The following FRK variants were observed in gnomAD, a reference collection of about 807,000 sequenced individuals.
FRK encodes fyn related Src family tyrosine kinase.
In FRK, 51 loss-of-function variants were observed where a neutral mutation model predicts 56.4. The observed-to-expected ratio is 0.90, with a 90% CI of 0.72 to 1.14. FRK has a LOEUF of 1.14. Ranked by LOEUF, FRK falls within the 50% of genes most tolerant of loss-of-function variation. The probability of loss-of-function intolerance (pLI) is 0.00; values close to 1 mark genes in which losing one functional copy is unlikely to be tolerated. For missense variants in FRK, 570 were observed against 601.4 expected (o/e 0.95, Z 0.55); for synonymous variants, 245 against 217.9 (o/e 1.12, Z -1.10).
In FRK at chr6:115,942,533, A is replaced by G; in HGVS notation, c.1399T>C (p.Leu467=). 6.2e-7 allele frequency: 1 copy of G among 1,613,820 alleles called. No individual in the cohort carries two copies. Among genetic ancestry groups the G allele is most frequent in the Non-Finnish European group, 8.5e-7 (1 of 1,179,800 alleles). ...TTAGGCTCTGCATTCCAGCACTCCA[A>G]CATGATGTTGTAAAATTGCTGTGGA... ...NCPQQFYNIM[L]ECWNAEPKER... Residue 467 remains leucine, a synonymous_variant, in exon 8 of 8, where the codon TTG becomes CTG. Coordinates refer to ENST00000606080, the MANE Select transcript of FRK (RefSeq NM_002031.3).
chr6:115,987,387 T>G (rs1421620748), intron 2 of FRK, among the ~76,000 whole-genome samples: 1 of 152,086 alleles, frequency 6.6e-6, no homozygotes, highest in Non-Finnish European at 1.5e-5. Context: ...TGCAATACTC[T>G]TAATGGGAGA....
the FRK span, among the ~76,000 whole-genome samples, chr6:116,081,756 A>G: frequency 6.6e-6 from 1 of 152,114 alleles, no homozygotes; most frequent in East Asian, 1.9e-4. Context: ...AACTGATATT[A>G]TTAAGAGAAA....
intron 1 of FRK, chr6:116,038,901 A>G: frequency 1.7e-6 from 1 of 600,074 alleles, no homozygotes; most frequent in Non-Finnish European, 3.3e-6. Flanking sequence ...GCCTATACCG[A>G]CTTTGCCCCA....
intron 1 of FRK, among the ~76,000 whole-genome samples, chr6:116,035,516 T>G (rs1049914848): frequency 6.6e-6 from 1 of 152,108 alleles, no homozygotes; most frequent in Non-Finnish European, 1.5e-5. Context: ...GTAATAACAT[T>G]GAATGAAAAT....
At chr6:116,045,102 A>T (rs1163029253) in intron 1 of FRK, among the ~76,000 whole-genome samples, 1 of 152,140 alleles carries the variant, frequency 6.6e-6, no homozygotes, top group Non-Finnish European at 1.5e-5. Context: ...CAAATGGAAA[A>T]ACATTCCATG....
the FRK span, among the ~76,000 whole-genome samples, chr6:116,076,271 C>T: frequency 2.0e-5 from 3 of 152,172 alleles, no homozygotes; most frequent in African/African-American, 2.4e-5. Context: ...CATATATATG[C>T]AATGTATATC....
chr6:115,999,975 T>A (rs1774992122), intron 2 of FRK, among the ~76,000 whole-genome samples: 1 of 152,184 alleles, frequency 6.6e-6, no homozygotes, highest in Non-Finnish European at 1.5e-5. Context: ...AAAGAAATCA[T>A]AATGATATGC....
intron 1 of FRK, among the ~76,000 whole-genome samples, chr6:116,049,656 T>C (rs975976893): frequency 2.0e-5 from 3 of 152,202 alleles, no homozygotes; most frequent in Admixed American, 1.3e-4. Flanking sequence ...TTACTTAAAC[T>C]CTTTCAGCTT....
chr6:116,096,390 A>G, the FRK span, among the ~76,000 whole-genome samples: 4 of 152,200 alleles, frequency 2.6e-5, no homozygotes, highest in African/African-American at 4.8e-5. Context: ...TAAATGTACC[A>G]ATCAATACTC....
At chr6:115,976,030 G>A (rs1434915498) in intron 2 of FRK, among the ~76,000 whole-genome samples, 6 of 152,194 alleles carry the variant, frequency 3.9e-5, no homozygotes, top group African/African-American at 4.8e-5. Context: ...ACTGGTTCGG[G>A]AGAGGATCTA....
chr6:116,003,196 A>G (rs1293298870), intron 2 of FRK, among the ~76,000 whole-genome samples: 1 of 152,236 alleles, frequency 6.6e-6, no homozygotes, highest in Non-Finnish European at 1.5e-5. Flanking sequence ...AGAACGGGAC[A>G]AGAAGAGAGA....
At chr6:116,038,283 A>T (rs963990176) in intron 1 of FRK, among the ~76,000 whole-genome samples, 8 of 152,112 alleles carry the variant, frequency 5.3e-5, no homozygotes, top group East Asian at 3.8e-4. Context: ...GATATAAAAA[A>T]TTTTTTCTTT....
At chr6:115,985,112 A>G (rs1042862544) in intron 2 of FRK, among the ~76,000 whole-genome samples, 1 of 152,140 alleles carries the variant, frequency 6.6e-6, no homozygotes, top group Non-Finnish European at 1.5e-5. Context: ...CAATTAATTC[A>G]TCTTCTCTAA....
intron 4 of FRK, among the ~76,000 whole-genome samples, chr6:115,961,498 C>T (rs1773364603): frequency 1.1e-5 from 1 of 91,556 alleles, no homozygotes; most frequent in African/African-American, 4.4e-5. Context: ...AGAACTTCCC[C>T]AATCTAGCAA....
intron 1 of FRK, among the ~76,000 whole-genome samples, chr6:116,013,979 A>G (rs767506072): frequency 2.0e-4 from 31 of 152,204 alleles, no homozygotes; most frequent in Non-Finnish European, 3.1e-4. Context: ...TATAGCACAC[A>G]CACACACCAT....
chr6:116,063,183 T>C (rs912915546), upstream of FRK, among the ~76,000 whole-genome samples: 3 of 152,180 alleles, frequency 2.0e-5, no homozygotes, highest in African/African-American at 7.2e-5. Flanking sequence ...ATGTTAGAAA[T>C]AACATCCAGG....
chr6:116,070,987 A>G, the FRK span, among the ~76,000 whole-genome samples: 12 of 152,104 alleles, frequency 7.9e-5, no homozygotes, highest in African/African-American at 2.9e-4. Flanking sequence ...ATGTTTTAGC[A>G]ATGTTTTTAT....
upstream of FRK, among the ~76,000 whole-genome samples, chr6:116,062,255 T>C (rs1208490167): frequency 1.3e-5 from 2 of 152,114 alleles, no homozygotes; most frequent in East Asian, 3.8e-4. Context: ...TGTTGTTGTT[T>C]TGTTTTATAA....
chr6:115,983,511 T>C (rs1395923895), intron 2 of FRK, among the ~76,000 whole-genome samples: 1 of 152,178 alleles, frequency 6.6e-6, no homozygotes, highest in African/African-American at 2.4e-5. Flanking sequence ...TTTTTCTCCA[T>C]CTAATACCAT....
Sources: allele counts gnomAD v4.1 joint callset (sites outside exome capture counted in the v4.1 genomes callset), GRCh38; gene constraint gnomAD v4.1.1; transcripts MANE v1.5; gene names NCBI Gene and HGNC (gene_info 2026-07-23, HGNC 2026-07-21).